The following GABPB2 variants were observed in gnomAD, a reference collection of about 807,000 sequenced individuals.
GABPB2 encodes the protein GA binding protein transcription factor subunit beta 2, also known as GA-binding protein subunit beta-2.
Under a neutral mutation model 39.1 loss-of-function variants are expected in GABPB2, and 23 were observed. That is an observed-to-expected ratio of 0.59 (90% confidence interval 0.42 to 0.83). The LOEUF (loss-of-function observed/expected upper bound fraction) is 0.83, where lower values mean the gene tolerates loss of function less well. Among genes scored for constraint, GABPB2 ranks in the 40% least tolerant of loss-of-function variants. GABPB2 has a pLI of 0.00. For synonymous variants in GABPB2, 184 were observed against 199.3 expected, an observed-to-expected ratio of 0.92 and a Z score of 0.65; for missense variants, 467 against 541.1, an observed-to-expected ratio of 0.86 and a Z score of 1.36.
intron 1 of GABPB2, among the ~76,000 whole-genome samples, chr1:151,072,579 C>CT (rs1432171617): frequency 1.3e-5 from 2 of 152,154 alleles, no homozygotes; most frequent in African/African-American, 4.8e-5. Flanking sequence ...GGCGTGGTGG[C>CT]TCTGGCCTGT....
chr1:151,114,980 A>C (rs995055103), intron 7 of GABPB2, among the ~76,000 whole-genome samples: 1 of 152,160 alleles, frequency 6.6e-6, no homozygotes, highest in African/African-American at 2.4e-5. Flanking sequence ...ACTGCACTCC[A>C]ATCCGGCCTG....
chr1:151,106,920 CT>C (rs1487298219), intron 6 of GABPB2, 116 bp from the exon 7 acceptor site: 856 of 588,012 alleles, frequency 1.5e-3, no homozygotes, highest in South Asian at 2.9e-3. Flanking sequence ...TTGAATCTCA[CT>C]TTTTTTTTTC....
intron 4 of GABPB2, among the ~76,000 whole-genome samples, chr1:151,094,162 C>T (rs1432803018): frequency 6.8e-6 from 1 of 147,462 alleles, no homozygotes; most frequent in Non-Finnish European, 1.5e-5. Context: ...AGGGATTCTT[C>T]CACCTTAGCC....
intron 4 of GABPB2, among the ~76,000 whole-genome samples, chr1:151,094,506 T>A (rs994830958): frequency 6.7e-6 from 1 of 149,796 alleles, no homozygotes; most frequent in Non-Finnish European, 1.5e-5. Context: ...CCTGCCATCA[T>A]GCCCAGCTAA....
At chr1:151,085,736 G>A (rs1179448946) in intron 1 of GABPB2, among the ~76,000 whole-genome samples, 1 of 152,192 alleles carries the variant, frequency 6.6e-6, no homozygotes, top group Non-Finnish European at 1.5e-5. Flanking sequence ...ATAGGCGTGA[G>A]CCACTGCGCC....
intron 7 of GABPB2, among the ~76,000 whole-genome samples, chr1:151,117,089 T>C (rs1307631139): frequency 6.6e-6 from 1 of 152,204 alleles, no homozygotes; most frequent in South Asian, 2.1e-4. Context: ...TGAAGGGCCA[T>C]GCCTTACCTG....
chr1:151,083,343 G>A (rs1677881369), intron 1 of GABPB2, among the ~76,000 whole-genome samples: 1 of 152,120 alleles, frequency 6.6e-6, no homozygotes, highest in Non-Finnish European at 1.5e-5. Context: ...AATAAATACT[G>A]TCAATTGGCT....
intron 5 of GABPB2, among the ~76,000 whole-genome samples, chr1:151,098,598 C>G (rs1417459829): frequency 6.6e-6 from 1 of 151,138 alleles, no homozygotes; most frequent in Admixed American, 6.6e-5. Flanking sequence ...CAACATGATA[C>G]TGATAAGGGA....
intron 1 of GABPB2, among the ~76,000 whole-genome samples, chr1:151,079,118 C>G (rs1211957868): frequency 6.6e-6 from 1 of 152,044 alleles, no homozygotes; most frequent in African/African-American, 2.4e-5. Context: ...ATTCTAATCC[C>G]AAAGTTTAAT....
intron 7 of GABPB2, among the ~76,000 whole-genome samples, chr1:151,116,401 C>A (rs200191865): frequency 3.3e-3 from 407 of 124,064 alleles, no homozygotes; most frequent in Middle Eastern, 4.0e-3. Flanking sequence ...AATTCCATCT[C>A]AAAAAAAAAA....
At chr1:151,099,033 G>A (rs1471987042) in intron 5 of GABPB2, among the ~76,000 whole-genome samples, 7 of 146,668 alleles carry the variant, frequency 4.8e-5, no homozygotes, top group Non-Finnish European at 7.5e-5. Context: ...GCAGTGAGCC[G>A]AGATTGCGCC....
chr1:151,073,512 C>G (rs1253533586), intron 1 of GABPB2, among the ~76,000 whole-genome samples: 1 of 152,174 alleles, frequency 6.6e-6, no homozygotes, highest in Non-Finnish European at 1.5e-5. Flanking sequence ...CCTGCCAGAA[C>G]CAGCATGGAC....
At chr1:151,104,248 G>C (rs1006792230) in intron 6 of GABPB2, among the ~76,000 whole-genome samples, 1 of 152,132 alleles carries the variant, frequency 6.6e-6, no homozygotes, top group African/African-American at 2.4e-5. Flanking sequence ...GTGGTCTGTG[G>C]GGGGAAGACT....
chr1:151,088,206 TG>T lies in GABPB2; in HGVS notation c.20del (p.Gly7GlufsTer5). On this transcript the variant is annotated frameshift_variant, in exon 2 of 9. Transcript: ENST00000368918. LOFTEE classifies it high-confidence loss of function. ...TGCATAAAGATGTCTTTGGTGGACTTGGGAAAGAGGTTGCTAGAAGCAGCAA... is the reference window on the plus strand; with the variant it reads ...TGCATAAAGATGTCTTTGGTGGACTTGGAAAGAGGTTGCTAGAAGCAGCAA... MSLVD[L>X]GKRLLEAARK... 1 of 1,614,020 alleles carries T rather than the reference TG, an allele frequency of 6.2e-7. No homozygotes were observed. Among genetic ancestry groups the T allele is most frequent in the Non-Finnish European group, 8.5e-7 (1 of 1,179,922 alleles).
At chr1:151,079,077 T>C (rs186117043) in intron 1 of GABPB2, among the ~76,000 whole-genome samples, 1 of 152,258 alleles carries the variant, frequency 6.6e-6, no homozygotes, top group African/African-American at 2.4e-5. Flanking sequence ...ATCTTTCTTA[T>C]ATTAGGAGGT....
At chr1:151,081,327 A>G (rs1184353151) in intron 1 of GABPB2, among the ~76,000 whole-genome samples, 1 of 152,002 alleles carries the variant, frequency 6.6e-6, no homozygotes, top group African/African-American at 2.4e-5. Context: ...CGTCTCTACT[A>G]AACATAGAAA....
chr1:151,122,395 A>AT lies in GABPB2; in HGVS notation c.*4145dup, dbSNP rs2101586176. 6.6e-6 allele frequency: 1 copy of AT among 151,962 alleles called. No individual in the cohort carries two copies. The highest frequency in any genetic ancestry group is 2.4e-5 in the African/African-American group (1 of 41,440). 9.4% of individuals were successfully genotyped at this position (151,962 alleles called of 1,614,324 possible). ...ATCTTTTCCTGTTTGCAATGTTTTT[A>AT]TTTTTTCTGAGTCCCTTTGGGAACC... is the stretch of plus-strand genomic sequence containing the variant. On this transcript the variant is annotated 3_prime_UTR_variant, in exon 9 of 9. Transcript: ENST00000368918.
rs188770081 is a variant in GABPB2, at chr1:151,081,454, C to T, written c.1-6736C>T. Among the ~76,000 whole-genome samples the T allele has an allele frequency of 6.6e-3, 1,008 of 151,848 alleles. 15 individuals are homozygous for T. Among genetic ancestry groups the T allele is most frequent in the Non-Finnish European group, 7.6e-3 (517 of 67,956 alleles). ...CAGTGAACCGAGATTGTGTCACTGC[C>T]CTCCAACCTGGGCAACAGAGCAGCG... On this transcript the variant is annotated intron_variant, in intron 1 of 8. Coordinates refer to ENST00000368918, the MANE Select transcript of GABPB2 (RefSeq NM_144618.3).
At chr1:151,082,470 C>T (rs1441689453) in intron 1 of GABPB2, among the ~76,000 whole-genome samples, 1 of 128,526 alleles carries the variant, frequency 7.8e-6, no homozygotes, top group Non-Finnish European at 1.5e-5. Flanking sequence ...AGCTCGATCT[C>T]GGCTCACTGC....
Sources: gnomAD v4.1 joint callset for allele counts (sites outside exome capture counted in the v4.1 genomes callset) on GRCh38, gnomAD v4.1.1 for gene constraint, MANE v1.5 for transcripts, NCBI Gene and HGNC (gene_info 2026-07-23, HGNC 2026-07-21) for gene names.